The following EMID1 variants were observed in gnomAD, a reference collection of about 807,000 sequenced individuals.
EMID1 encodes the protein EMI domain containing 1, also known as EMI domain-containing protein 1.
In EMID1, 40 loss-of-function variants were observed where a neutral mutation model predicts 60.6. The observed-to-expected ratio is 0.66, with a 90% CI of 0.51 to 0.86. The LOEUF is 0.86. Among genes scored for constraint, EMID1 ranks in the 40% least tolerant of loss-of-function variants. The probability of loss-of-function intolerance (pLI) is 0.00; values close to 1 mark genes in which losing one functional copy is unlikely to be tolerated. For synonymous variants in EMID1, 242 were observed against 231.0 expected, an observed-to-expected ratio of 1.05 and a Z score of -0.43; for missense variants, 585 against 597.1, an observed-to-expected ratio of 0.98 and a Z score of 0.21.
At chr22:29,206,851 C>T (rs1448614035) in intron 1 of EMID1, among the ~76,000 whole-genome samples, 2 of 152,194 alleles carry the variant, frequency 1.3e-5, no homozygotes, top group Non-Finnish European at 2.9e-5. Context: ...CAAACTGAGA[C>T]CCTAGGGAAT....
chr22:29,221,502 G>A (rs949059228), intron 3 of EMID1, among the ~76,000 whole-genome samples: 3 of 152,142 alleles, frequency 2.0e-5, no homozygotes, highest in South Asian at 2.1e-4. Flanking sequence ...AGCCTCCCGC[G>A]TAGCTGGGAC....
At chr22:29,219,005 C>T (rs1264703786) in intron 3 of EMID1, among the ~76,000 whole-genome samples, 2 of 152,192 alleles carry the variant, frequency 1.3e-5, no homozygotes, top group Non-Finnish European at 2.9e-5. Flanking sequence ...AAAGCTGCCA[C>T]CGTCCTCCGT....
intron 13 of EMID1, among the ~76,000 whole-genome samples, chr22:29,246,402 G>A (rs894070867): frequency 3.3e-5 from 5 of 152,014 alleles, no homozygotes; most frequent in Non-Finnish European, 7.3e-5. Context: ...CATGGCGAAT[G>A]GATGGGAGAA....
chr22:29,220,429 C>T (rs762305492), intron 3 of EMID1, among the ~76,000 whole-genome samples: 15 of 152,314 alleles, frequency 9.8e-5, no homozygotes, highest in Admixed American at 2.6e-4. Flanking sequence ...GCCCCAGCTC[C>T]GACCCTAACC....
At chr22:29,225,308 T>C (rs2040463182) in intron 4 of EMID1, 92 bp downstream of exon 4, 1 of 1,333,836 alleles carries the variant, frequency 7.5e-7, no homozygotes. Context: ...TAAAAGCCAG[T>C]AGGTCTGGCA....
At chr22:29,211,328 C>T (rs1031350434) in intron 1 of EMID1, among the ~76,000 whole-genome samples, 1 of 152,164 alleles carries the variant, frequency 6.6e-6, no homozygotes, top group African/African-American at 2.4e-5. Context: ...GCTGGATTTG[C>T]CTTAGCCTGT....
chr22:29,258,814 C>T lies in EMID1; in HGVS notation c.1205-3C>T. The T allele has an allele frequency of 6.2e-7, 1 of 1,612,868 alleles. No individual in the cohort carries two copies. Among genetic ancestry groups the T allele is most frequent in the Non-Finnish European group, 8.5e-7 (1 of 1,179,584 alleles). On this transcript the variant is annotated splice_region_variant and splice_polypyrimidine_tract_variant and intron_variant, in intron 14 of 14. Transcript: ENST00000334018. ...TGGCCTCTCTCCTTCTTCCCTCCGG[C>T]AGAACCAGAGCTGGGGTCTGGGGCG...
At chr22:29,223,604 A>G (rs61041761) in intron 3 of EMID1, among the ~76,000 whole-genome samples, 1 of 152,198 alleles carries the variant, frequency 6.6e-6, no homozygotes, top group Non-Finnish European at 1.5e-5. Flanking sequence ...CCTGTGTTCA[A>G]ATCCAGGCTT....
chr22:29,226,741 C>T (rs1384567919), intron 5 of EMID1, among the ~76,000 whole-genome samples, 190 bp downstream of exon 5: 1 of 152,140 alleles, frequency 6.6e-6, no homozygotes, highest in African/African-American at 2.4e-5. Context: ...TCCAGTGTCC[C>T]TCCCTAGGAA....
At chr22:29,233,256 G>C in intron 8 of EMID1, 123 bp from the exon 9 acceptor site, 1 of 968,906 alleles carries the variant, frequency 1.0e-6, no homozygotes. Flanking sequence ...GTGCCCAGGT[G>C]GTACCAGCCA....
chr22:29,226,999 C>A (rs1403475369), intron 5 of EMID1, among the ~76,000 whole-genome samples: 1 of 152,102 alleles, frequency 6.6e-6, no homozygotes, highest in African/African-American at 2.4e-5. Context: ...CTCTATCCCC[C>A]CAACCCCCAT....
rs773878453 is a variant in EMID1, at chr22:29,233,427, C to T, written c.872C>T (p.Pro291Leu). 2 of 1,614,180 alleles carry T rather than the reference C, an allele frequency of 1.2e-6. No homozygotes were observed. The highest frequency in any genetic ancestry group is 1.7e-6 in the Non-Finnish European group (2 of 1,180,002). ...TTCACTGAGACCAACAACCACTGGC[C>T]CCAGGGACCCACTGGGCCTCCAGGC... ...NTFTETNNHW[P>L]QGPTGPPGPP... Residue 291 changes from proline to leucine, a missense_variant, in exon 9 of 15, where the codon CCC (proline) becomes CTC (leucine). Transcript: ENST00000334018.
chr22:29,248,136 G>A (rs1207721203), intron 13 of EMID1, among the ~76,000 whole-genome samples: 3 of 150,366 alleles, frequency 2.0e-5, no homozygotes, highest in Non-Finnish European at 3.0e-5. Context: ...TGTATTTTTA[G>A]TAGAGATGGG....
At chr22:29,255,202 C>CCCCTGGG in intron 14 of EMID1, 1 of 734,564 alleles carries the variant, frequency 1.4e-6, no homozygotes, top group Non-Finnish European at 2.1e-6. Context: ...CCACCCTCCC[C>CCCCTGGG]GCTTGGCTCC....
chr22:29,250,166 G>A (rs1487307203), intron 13 of EMID1, among the ~76,000 whole-genome samples: 1 of 152,214 alleles, frequency 6.6e-6, no homozygotes, highest in African/African-American at 2.4e-5. Context: ...TGAGACGGGA[G>A]GATCATTTGA....
At chr22:29,221,791 G>A (rs2040309690) in intron 3 of EMID1, among the ~76,000 whole-genome samples, 1 of 152,112 alleles carries the variant, frequency 6.6e-6, no homozygotes, top group Admixed American at 6.5e-5. Flanking sequence ...AAATGTTTCT[G>A]TCCATTTCTC....
At chr22:29,215,433 T>C (rs1474648938) in intron 2 of EMID1, 94 bp from the exon 3 acceptor site, 8 of 1,380,268 alleles carry the variant, frequency 5.8e-6, no homozygotes, top group Admixed American at 2.0e-5. Flanking sequence ...CAGAGGATCC[T>C]GGAAGCTCTA....
At chr22:29,212,059 C>G (rs1373827357) in intron 1 of EMID1, among the ~76,000 whole-genome samples, 1 of 152,130 alleles carries the variant, frequency 6.6e-6, no homozygotes, top group Non-Finnish European at 1.5e-5. Flanking sequence ...GATCTGGGCT[C>G]ACTGCAACCT....
chr22:29,211,755 C>T (rs1196765897), intron 1 of EMID1, among the ~76,000 whole-genome samples: 1 of 152,232 alleles, frequency 6.6e-6, no homozygotes, highest in Non-Finnish European at 1.5e-5. Context: ...CCAGAGCTTC[C>T]GACTGTCCTC....
Sources: gnomAD v4.1 joint callset for allele counts (sites outside exome capture counted in the v4.1 genomes callset) on GRCh38, gnomAD v4.1.1 for gene constraint, MANE v1.5 for transcripts, NCBI Gene and HGNC (gene_info 2026-07-23, HGNC 2026-07-21) for gene names.